Variants in GLMN observed in about 807,000 individuals in gnomAD.
The protein encoded by GLMN is glomulin, FKBP associated protein.
In GLMN, 75 loss-of-function variants were observed where a neutral mutation model predicts 87.8. The observed-to-expected ratio is 0.85, with a 90% CI of 0.71 to 1.04. GLMN has a LOEUF of 1.04. Ranked by LOEUF, GLMN falls within the 50% of genes least tolerant of loss-of-function variation. The pLI is 0.00. For missense variants in GLMN, 588 were observed against 658.8 expected (o/e 0.89, Z 1.18); for synonymous variants, 206 against 221.6 (o/e 0.93, Z 0.63).
chr1:92,337,821 A>C, the GLMN span, among the ~76,000 whole-genome samples: 1 of 152,112 alleles, frequency 6.6e-6, no homozygotes, highest in African/African-American at 2.4e-5. Context: ...CAGAAATTTA[A>C]ATACAGGTCT....
At chr1:92,301,208 A>G (rs1650831331), upstream of GLMN, among the ~76,000 whole-genome samples, 1 of 152,160 alleles carries the variant, frequency 6.6e-6, no homozygotes, top group Admixed American at 6.5e-5. Context: ...ATTTGGCCGG[A>G]TGTGGTGGCT....
intron 7 of GLMN, among the ~76,000 whole-genome samples, chr1:92,282,963 T>C (rs765748050): frequency 3.3e-5 from 5 of 152,080 alleles, no homozygotes; most frequent in Non-Finnish European, 7.4e-5. Flanking sequence ...AATAACAGGT[T>C]CTGAAATTGA....
the GLMN span, chr1:92,320,667 A>G: frequency 1.5e-5 from 23 of 1,556,234 alleles, no homozygotes; most frequent in African/African-American, 2.3e-4. Flanking sequence ...TACCATTTAT[A>G]TATTTATGTT....
the GLMN span, chr1:92,333,620 T>C: frequency 4.6e-6 from 3 of 651,462 alleles, no homozygotes; most frequent in African/African-American, 3.7e-5. Context: ...CTTAAGAAAT[T>C]TGGATTTTTA....
intron 8 of GLMN, 26 bp downstream of exon 8, chr1:92,271,439 T>G: frequency 6.4e-7 from 1 of 1,562,130 alleles, no homozygotes; most frequent in Non-Finnish European, 8.8e-7. Context: ...TTAGAATACA[T>G]GAATAAACCA....
At position 92,246,594 on chromosome 1, in the gene GLMN, C is replaced by G. The variant is rs758016804; in HGVS notation, c.1721G>C (p.Arg574Pro). The G allele has an allele frequency of 1.9e-6, 3 of 1,598,686 alleles. No individual in the cohort carries two copies. Among genetic ancestry groups the G allele is most frequent in the Non-Finnish European group, 2.6e-6 (3 of 1,166,176 alleles). The change falls in exon 19 of 19, where the codon CGA (arginine) becomes CCA (proline). Residue 574 changes from arginine (R) to proline (P), a missense_variant. Arg to Pro is a moderately radical substitution (Grantham distance 103). Coordinates refer to ENST00000370360, the MANE Select transcript of GLMN (RefSeq NM_053274.3). ...TFDLIESVLA[R>P]VEELIEIKTK... ...TTTTATTTCAATGAGTTCTTCCACTCGAGCTAGAACACTTTCAATCAAATC... is the reference window on the plus strand; with the variant it reads ...TTTTATTTCAATGAGTTCTTCCACTGGAGCTAGAACACTTTCAATCAAATC...
Position 92,291,518 on chromosome 1 carries a change from C to A in GLMN, c.185G>T (p.Gly62Val). 2 of 1,613,340 alleles carry A rather than the reference C, an allele frequency of 1.2e-6. No individual in the cohort carries two copies. Among genetic ancestry groups the A allele is most frequent in the South Asian group, 1.1e-5 (1 of 91,046 alleles). The change falls in exon 4 of 19, where the codon GGC (glycine) becomes GTC (valine). Residue 62 changes from glycine (G) to valine (V), a missense_variant. By Grantham distance (109) the Gly-to-Val change is moderately radical. Transcript: ENST00000370360. The part of the protein sequence containing the change: ...EKNKVIIKNM[G>V]WNLVGPVVRC... ...AACAACAGGACCAACGAGATTCCAG[C>A]CCATATTCTTGATGATGACCTGTAA...
the GLMN span, among the ~76,000 whole-genome samples, chr1:92,311,977 T>C: frequency 6.6e-6 from 1 of 152,212 alleles, no homozygotes; most frequent in East Asian, 1.9e-4. Flanking sequence ...GTGGTGTCTA[T>C]AGGTTGGGAT....
At chr1:92,283,287 C>T (rs186976405) in intron 7 of GLMN, among the ~76,000 whole-genome samples, 2 of 152,184 alleles carry the variant, frequency 1.3e-5, no homozygotes, top group Non-Finnish European at 2.9e-5. Flanking sequence ...AAGTCGGCTT[C>T]TTCCCTGGGA....
chr1:92,259,582 T>A (rs964020382), intron 16 of GLMN, among the ~76,000 whole-genome samples: 3 of 152,164 alleles, frequency 2.0e-5, no homozygotes, highest in Non-Finnish European at 2.9e-5. Flanking sequence ...TGTTCATATT[T>A]CTGACTGTGT....
At chr1:92,302,047 A>G (rs1226581095), upstream of GLMN, among the ~76,000 whole-genome samples, 1 of 152,156 alleles carries the variant, frequency 6.6e-6, no homozygotes, top group Non-Finnish European at 1.5e-5. Flanking sequence ...TTGGGAGGCT[A>G]AGGCAGGCGG....
the GLMN span, among the ~76,000 whole-genome samples, chr1:92,309,478 T>C: frequency 3.3e-5 from 5 of 150,868 alleles, no homozygotes; most frequent in Non-Finnish European, 5.9e-5. Context: ...CTAATCTAAA[T>C]GAATCAACTT....
intron 16 of GLMN, among the ~76,000 whole-genome samples, chr1:92,258,497 C>T (rs1654559812): frequency 6.6e-6 from 1 of 152,150 alleles, no homozygotes; most frequent in Non-Finnish European, 1.5e-5. Context: ...AGACTTGGAA[C>T]CAACCCAAAT....
intron 7 of GLMN, among the ~76,000 whole-genome samples, chr1:92,275,052 T>C (rs1357375528): frequency 6.6e-6 from 1 of 152,198 alleles, no homozygotes; most frequent in Non-Finnish European, 1.5e-5. Context: ...AGCTGAGTAT[T>C]GCTGGATAAA....
chr1:92,346,876 C>A, the GLMN span, among the ~76,000 whole-genome samples: 1 of 152,264 alleles, frequency 6.6e-6, no homozygotes, highest in Middle Eastern at 3.4e-3. Context: ...ATTACTGTTG[C>A]TGCTTGGTGC....
At chr1:92,299,168 C>T, upstream of GLMN, 1 of 1,426,776 alleles carries the variant, frequency 7.0e-7, no homozygotes, top group Non-Finnish European at 9.4e-7. Flanking sequence ...GATCTCTTCC[C>T]ACTTTTGGAC....
chr1:92,248,096 C>A, intron 16 of GLMN, 107 bp from the exon 17 acceptor site: 1 of 686,920 alleles, frequency 1.5e-6, no homozygotes, highest in Non-Finnish European at 2.6e-6. Context: ...ATGGCCCTTG[C>A]TTTTCACAAT....
intron 4 of GLMN, 150 bp from the exon 5 acceptor site, chr1:92,290,456 T>C (rs1362853106): frequency 1.6e-6 from 1 of 634,144 alleles, no homozygotes; most frequent in African/African-American, 1.8e-5. Flanking sequence ...GTTGAAAAAA[T>C]ATGCATGAGC....
rs921219313 is a variant in GLMN at position 92,267,821 on chromosome 1, A to C, written c.1098+92T>G. 40 of 776,566 alleles carry C rather than the reference A, an allele frequency of 5.2e-5. No individual in the cohort carries two copies. The African/African-American group carries it at 6.5e-4, about 13-fold the overall frequency. The allele number at this position is 776,566 out of a possible 1,614,324, so 48.1% of individuals were successfully genotyped here. ...ACCAGAGTTTTCAAAGGTTGCAGAG[A>C]AAAGAGTGGGAAAGGAATCAGAAAA... On this transcript the variant is annotated intron_variant, in intron 11 of 18. Coordinates refer to ENST00000370360, the MANE Select transcript of GLMN (RefSeq NM_053274.3).
Sources: allele counts gnomAD v4.1 joint callset (sites outside exome capture counted in the v4.1 genomes callset), GRCh38; gene constraint gnomAD v4.1.1; transcripts MANE v1.5; gene names NCBI Gene and HGNC (gene_info 2026-07-23, HGNC 2026-07-21).